Variants in PDZRN3 observed in about 807,000 individuals in gnomAD.
The protein encoded by PDZRN3 is PDZ domain containing ring finger 3.
PDZRN3 carries 38 observed loss-of-function variants against 85.7 expected under a neutral mutation model. That is an observed-to-expected ratio of 0.44 (90% confidence interval 0.34 to 0.58). The LOEUF is 0.58. PDZRN3 is among the 20% of genes least tolerant of loss of function. The pLI, the probability that PDZRN3 is intolerant of heterozygous loss-of-function variation, is 0.01. For synonymous variants in PDZRN3, 759 were observed against 638.0 expected (o/e 1.19, Z -2.86); for missense variants, 1,629 against 1,506.4 (o/e 1.08, Z -1.35).
At chr3:73,612,054 A>C (rs1163036122) in intron 1 of PDZRN3, among the ~76,000 whole-genome samples, 1 of 152,206 alleles carries the variant, frequency 6.6e-6, no homozygotes. Flanking sequence ...AGGAAAATTT[A>C]ACCAATATTG....
At position 73,384,710 on chromosome 3, in the gene PDZRN3, G is replaced by A. The variant is rs1275943167; in HGVS notation, c.1856C>T (p.Pro619Leu). Residue 619 changes from proline (P) to leucine (L), a missense_variant, in exon 10 of 10, where the codon CCC becomes CTC. Physicochemically the swap from Pro to Leu is moderately conservative, Grantham distance 98. Transcript: ENST00000263666. ...SQDTLGSGDLPFSNESFISAD... is the reference protein window; with the variant it reads ...SQDTLGSGDLLFSNESFISAD... The stretch of plus-strand genomic sequence containing the variant: ...CGAAATGAAAGACTCGTTGCTGAAG[G>A]GCAGGTCGCCGCTGCCCAAGGTGTC... 1 of 1,614,046 alleles carries A rather than the reference G, an allele frequency of 6.2e-7. No individual in the cohort carries two copies. The highest frequency in any genetic ancestry group is 8.5e-7 in the Non-Finnish European group (1 of 1,180,036).
intron 3 of PDZRN3, among the ~76,000 whole-genome samples, chr3:73,563,002 TATATATATATA>T (rs1417752667): frequency 5.3e-4 from 19 of 35,978 alleles, no homozygotes; most frequent in African/African-American, 2.0e-3. Flanking sequence ...TATATATATA[TATATATATATA>T]TTTTTTTTTT....
intron 3 of PDZRN3, among the ~76,000 whole-genome samples, chr3:73,478,991 A>T (rs1023557109): frequency 6.6e-6 from 1 of 152,230 alleles, no homozygotes; most frequent in African/African-American, 2.4e-5. Context: ...CAAAAGTCGC[A>T]ATTACTTTTG....
chr3:73,624,286 C>A lies in PDZRN3; in HGVS notation c.540G>T (p.Leu180=), dbSNP rs1345918297. 7 of 1,375,250 alleles carry A rather than the reference C, an allele frequency of 5.1e-6. No homozygotes were observed. The highest frequency in any genetic ancestry group is 6.5e-6 in the Non-Finnish European group (7 of 1,072,846). The allele number at this position is 1,375,250 out of a possible 1,614,324, so 85.2% of individuals were successfully genotyped here. A position where few individuals can be genotyped will look rare whatever the true frequency, so the allele number is the denominator to read the frequency against. Residue 180 remains leucine, a synonymous_variant, in exon 1 of 10, where the codon CTG becomes CTT. Transcript: ENST00000263666. ...NGALQARLGA[L]HKALKKEALR... Reference sequence around the variant, plus strand: ...GCGCCTCCTTCTTGAGCGCCTTGTGCAGCGCGCCCAGGCGGGCCTGGAGCG... The same window carrying A: ...GCGCCTCCTTCTTGAGCGCCTTGTGAAGCGCGCCCAGGCGGGCCTGGAGCG...
chr3:73,513,200 G>A (rs929326396), intron 3 of PDZRN3, among the ~76,000 whole-genome samples: 13 of 152,154 alleles, frequency 8.5e-5, no homozygotes, highest in Admixed American at 1.3e-4. Flanking sequence ...GGGTCACTTC[G>A]AAGTACTGTC....
Position 73,548,754 on chromosome 3 carries a change from T to TTA in PDZRN3, c.918+53598_918+53599dup, listed in dbSNP as rs5850117. Among the ~76,000 whole-genome samples the TTA allele has an allele frequency of 3.4e-3, 515 of 152,338 alleles. 1 individual carries two copies. The highest frequency in any genetic ancestry group is 0.012 in the African/African-American group (485 of 41,572). Reference sequence around the variant, plus strand: ...AAAAATTAAATGGATTGTTTTAATTTTATGTCAGAAAGCCAGTGTGTCTGA... The same window carrying TTA: ...AAAAATTAAATGGATTGTTTTAATTTTATATGTCAGAAAGCCAGTGTGTCTGA... On this transcript the variant is annotated intron_variant, in intron 3 of 9. Transcript: ENST00000263666.
At chr3:73,593,707 T>TACAC (rs201574221) in intron 3 of PDZRN3, among the ~76,000 whole-genome samples, 1,422 of 100,886 alleles carry the variant, frequency 0.014, 8 homozygotes, top group Middle Eastern at 0.075. Flanking sequence ...CCGAAATAAA[T>TACAC]ATACACACAC....
At position 73,602,519 on chromosome 3, in the gene PDZRN3, T is replaced by A. The variant is rs1055597155; in HGVS notation, c.811-58A>T. ...CTAGGCATTAAGTTGAGCATGAAAGTAAAGCTTGCACTCTTAAAACAGTAA... is the reference window on the plus strand; with the variant it reads ...CTAGGCATTAAGTTGAGCATGAAAGAAAAGCTTGCACTCTTAAAACAGTAA... On this transcript the variant is annotated intron_variant, in intron 2 of 9. Coordinates refer to ENST00000263666, the MANE Select transcript of PDZRN3 (RefSeq NM_015009.3). 6.8e-6 allele frequency: 6 copies of A among 888,754 alleles called. No individual in the cohort carries two copies. The African/African-American group carries it at 9.9e-5, about 15-fold the overall frequency. The allele number at this position is 888,754 out of a possible 1,614,324, so 55.1% of individuals were successfully genotyped here.
Position 73,384,121 on chromosome 3 carries a change from G to A in PDZRN3, c.2445C>T (p.Pro815=), listed in dbSNP as rs61739225. ...GGCTATAGGTAGGGGTGCCCACTTCGGGATCTTCCGTGATGGAGAGCAGAT... is the reference window on the plus strand; with the variant it reads ...GGCTATAGGTAGGGGTGCCCACTTCAGGATCTTCCGTGATGGAGAGCAGAT... ...SKNLLSITED[P]EVGTPTYSPS... is the part of the protein sequence containing the mutation. Residue 815 remains proline (P), a synonymous_variant, in exon 10 of 10, where the codon CCC becomes CCT. Transcript: ENST00000263666. 3.1e-3 allele frequency: 4,958 copies of A among 1,614,064 alleles called. 10 individuals are homozygous for A. Among genetic ancestry groups the A allele is most frequent in the Non-Finnish European group, 3.8e-3 (4,537 of 1,180,022 alleles).
intron 3 of PDZRN3, among the ~76,000 whole-genome samples, chr3:73,508,841 T>C (rs1358375109): frequency 6.6e-6 from 1 of 152,158 alleles, no homozygotes; most frequent in East Asian, 1.9e-4. Flanking sequence ...TCCCTAGCCA[T>C]AACCAAGGCC....
chr3:73,595,596 TCCAAAA>T (rs1402788019), intron 3 of PDZRN3, among the ~76,000 whole-genome samples: 1 of 152,184 alleles, frequency 6.6e-6, no homozygotes, highest in Non-Finnish European at 1.5e-5. Context: ...ATATTTTTTC[TCCAAAA>T]CCAAACCAAA....
rs1703598253 is a variant in PDZRN3 at position 73,483,116 on chromosome 3, AT to A, written c.919-78722del. Reference sequence around the variant, plus strand: ...GAGGAGGTCAATTAACAAAGAAAAGATTACTGTGATTGTCACAGAGATACCA... The same window carrying A: ...GAGGAGGTCAATTAACAAAGAAAAGATACTGTGATTGTCACAGAGATACCA... On this transcript the variant is annotated intron_variant, in intron 3 of 9. Coordinates refer to ENST00000263666, the MANE Select transcript of PDZRN3 (RefSeq NM_015009.3). Among the ~76,000 whole-genome samples the A allele has an allele frequency of 3.3e-5, 5 of 152,214 alleles. No homozygotes were observed. In the South Asian group the frequency reaches 1.0e-3, roughly 32 times the overall value.
rs535373819 is a variant in PDZRN3 at position 73,474,618 on chromosome 3, T to C, written c.919-70223A>G. 11 of 1,245,582 alleles carry C rather than the reference T, an allele frequency of 8.8e-6. No homozygotes were observed. The East Asian group carries it at 4.5e-4, about 51-fold the overall frequency. 77.2% of individuals were successfully genotyped at this position (1,245,582 alleles called of 1,614,324 possible). A position where few individuals can be genotyped will look rare whatever the true frequency, so the allele number is the denominator to read the frequency against. ...ATCTAAGCTTGGTTTATGTTGAGAG[T>C]ACTGAGCAAATGCTATGGTTGTGGC... On this transcript the variant is annotated intron_variant, in intron 3 of 9. Transcript: ENST00000263666.
intron 3 of PDZRN3, among the ~76,000 whole-genome samples, chr3:73,534,109 A>C (rs1276748686): frequency 6.6e-6 from 1 of 152,192 alleles, no homozygotes; most frequent in African/African-American, 2.4e-5. Context: ...CCAACATTTA[A>C]TAATAGGTTT....
Position 73,624,673 on chromosome 3 carries a change from G to A in PDZRN3, c.153C>T (p.Ser51=). The A allele has an allele frequency of 2.0e-6, 3 of 1,527,214 alleles. No homozygotes were observed. In the South Asian group the frequency reaches 3.7e-5, roughly 19 times the overall value. 94.6% of individuals were successfully genotyped at this position (1,527,214 alleles called of 1,614,324 possible). Residue 51 remains serine (S), a synonymous_variant, in exon 1 of 10, where the codon AGC becomes AGT. Coordinates refer to ENST00000263666, the MANE Select transcript of PDZRN3 (RefSeq NM_015009.3). The stretch of plus-strand genomic sequence containing the variant: ...GGCGACCGCGGCAGCGCGCCGGGCA[G>A]CTGCCCTCCTGCACCACCCAGGGCA... ...CVLPWVVQEG[S]CPARCRGRLS... is the part of the protein sequence containing the mutation.
intron 3 of PDZRN3, among the ~76,000 whole-genome samples, chr3:73,532,987 TCA>T (rs2106759853): frequency 6.6e-6 from 1 of 152,252 alleles, no homozygotes; most frequent in East Asian, 1.9e-4. Context: ...CTACTGAAAA[TCA>T]CAGTTTAAAA....
chr3:73,410,853 C>T (rs1701952550), intron 3 of PDZRN3, among the ~76,000 whole-genome samples: 1 of 152,198 alleles, frequency 6.6e-6, no homozygotes, highest in Admixed American at 6.6e-5. Flanking sequence ...ATCCAAATGT[C>T]CATTAAGCTA....
At chr3:73,438,251 A>T (rs1702567708) in intron 3 of PDZRN3, among the ~76,000 whole-genome samples, 1 of 152,218 alleles carries the variant, frequency 6.6e-6, no homozygotes, top group Non-Finnish European at 1.5e-5. Context: ...TGCCCAGGGA[A>T]TATCCCTCAT....
chr3:73,612,000 C>A (rs1702692408), intron 1 of PDZRN3, among the ~76,000 whole-genome samples: 1 of 152,110 alleles, frequency 6.6e-6, no homozygotes, highest in Non-Finnish European at 1.5e-5. Context: ...CCCGACTGTT[C>A]ACAGACATGG....
Sources: allele counts gnomAD v4.1 joint callset (sites outside exome capture counted in the v4.1 genomes callset), GRCh38; gene constraint gnomAD v4.1.1; transcripts MANE v1.5; gene names NCBI Gene and HGNC (gene_info 2026-07-23, HGNC 2026-07-21).